The following CDH26 variants were observed in gnomAD, a reference collection of about 807,000 sequenced individuals.
The protein encoded by CDH26 is cadherin-like protein 26.
CDH26 carries 83 observed loss-of-function variants against 90.3 expected under a neutral mutation model. That is an observed-to-expected ratio of 0.92 (90% CI 0.77 to 1.10). CDH26 has a LOEUF of 1.10. CDH26 is among the 50% of genes least tolerant of loss of function. The probability of loss-of-function intolerance (pLI) is 0.00; values close to 1 mark genes in which losing one functional copy is unlikely to be tolerated. For missense variants in CDH26, 1,013 were observed against 1,037.6 expected (o/e 0.98, Z 0.33); for synonymous variants, 397 against 396.3 (o/e 1.00, Z -0.02).
At chr20:60,009,598 C>G (rs1024832034) in intron 17 of CDH26, among the ~76,000 whole-genome samples, 4 of 152,008 alleles carry the variant, frequency 2.6e-5, no homozygotes, top group African/African-American at 7.3e-5. Context: ...AATGGAAGCT[C>G]GAAGCTCTGC....
chr20:59,995,080 G>T (rs749305108), intron 11 of CDH26, among the ~76,000 whole-genome samples: 10 of 152,194 alleles, frequency 6.6e-5, no homozygotes, highest in Non-Finnish European at 4.4e-5. Flanking sequence ...CTGTGGCACG[G>T]TTTCAGCTGA....
At position 60,032,803 on chromosome 20, in the gene CDH26, A is replaced by T. The variant is rs7363700; in HGVS notation, c.1144-683A>T. Among the ~76,000 whole-genome samples, 1,324 of 139,474 alleles carry T rather than the reference A, an allele frequency of 9.5e-3. 19 individuals are homozygous for T. Among genetic ancestry groups the T allele is most frequent in the African/African-American group, 0.033 (1,253 of 37,562 alleles). 91.5% of individuals were successfully genotyped at this position (139,474 alleles called of 152,430 possible). A position where few individuals can be genotyped will look rare whatever the true frequency, so the allele number is the denominator to read the frequency against. The stretch of plus-strand genomic sequence containing the variant: ...CATAGGTGGGAATTGAACAATGAGA[A>T]CACATGGACACAGGAAGGGGAATAT... On this transcript the variant is annotated intron_variant, in intron 8 of 8. Transcript: ENST00000370991.
chr20:60,018,702 C>CTTTTGTTTTTTTTTTTTTTTT (rs2061926953), downstream of CDH26, among the ~76,000 whole-genome samples: 2 of 17,814 alleles, frequency 1.1e-4, no homozygotes, highest in African/African-American at 4.6e-4. Flanking sequence ...CTCTTACTGC[C>CTTTTGTTTTTTTTTTTTTTTT]TTTTTTTTTT....
chr20:60,019,548 C>G (rs1316547874), intron 7 of CDH26, among the ~76,000 whole-genome samples: 1 of 152,048 alleles, frequency 6.6e-6, no homozygotes, highest in Non-Finnish European at 1.5e-5. Context: ...CCACTTGATC[C>G]TTTTTAATTA....
intron 13 of CDH26, 72 bp downstream of exon 13, chr20:59,996,833 T>TC: frequency 3.8e-6 from 6 of 1,579,254 alleles, no homozygotes; most frequent in Non-Finnish European, 5.2e-6. Context: ...CATGTATTTT[T>TC]CCCCCCATTG....
rs201122218 is a variant in CDH26, at chr20:60,002,853, T to C, written c.2207T>C (p.Ile736Thr). The C allele has an allele frequency of 9.8e-5, 157 of 1,598,038 alleles. No homozygotes were observed. Among genetic ancestry groups the C allele is most frequent in the Middle Eastern group, 1.7e-4 (1 of 5,956 alleles). Residue 736 changes from isoleucine (I) to threonine (T), a missense_variant, in exon 16 of 18, where the codon ATA becomes ACA. Ile to Thr is a moderately conservative substitution (Grantham distance 89). Coordinates refer to ENST00000348616, the MANE Select transcript of CDH26 (RefSeq NM_177980.4). ...KPFEPRSVKN[I>T]HSTPAYPDAT... Reference sequence around the variant, plus strand: ...TTTGAGCCAAGAAGTGTGAAAAACATACACTCTACTCCTGTAAGTATAGAT... The same window carrying C: ...TTTGAGCCAAGAAGTGTGAAAAACACACACTCTACTCCTGTAAGTATAGAT...
intron 16 of CDH26, among the ~76,000 whole-genome samples, chr20:60,003,420 GTTAAC>G (rs1400475300): frequency 1.3e-4 from 20 of 152,308 alleles, no homozygotes; most frequent in African/African-American, 2.9e-4. Context: ...GCAAAATTAT[GTTAAC>G]TTAACACCTA....
At position 60,012,544 on chromosome 20, in the gene CDH26, T is replaced by A. The variant is rs151004757; in HGVS notation, c.2313T>A (p.Asn771Lys). The A allele has an allele frequency of 6.2e-7, 1 of 1,612,918 alleles. No individual in the cohort carries two copies. Among genetic ancestry groups the A allele is most frequent in the African/African-American group, 1.3e-5 (1 of 75,000 alleles). The change falls in exon 18 of 18, where the codon AAT becomes AAA. Residue 771 changes from asparagine to lysine, a missense_variant. Transcript: ENST00000348616. ...TTCCCCAGAAACTCCATGTTGCCAA[T>A]GTGCTGGAAGATGACCCCGGCTACC... Reference protein sequence around the residue: ...ETLNQKLHVANVLEDDPGYLP... With the variant: ...ETLNQKLHVAKVLEDDPGYLP...
intron 17 of CDH26, among the ~76,000 whole-genome samples, chr20:60,007,731 G>C (rs62205078): frequency 6.7e-6 from 1 of 149,806 alleles, no homozygotes; most frequent in Non-Finnish European, 1.5e-5. Context: ...GGTTTCTGCT[G>C]GTTTTTTTTT....
chr20:59,995,200 T>G (rs1472739246), intron 11 of CDH26, among the ~76,000 whole-genome samples: 1 of 152,158 alleles, frequency 6.6e-6, no homozygotes, highest in Non-Finnish European at 1.5e-5. Context: ...TGATCTCTAT[T>G]GGGGTATCAT....
At chr20:59,987,740 C>A in intron 8 of CDH26, 102 bp downstream of exon 8, 1 of 1,104,610 alleles carries the variant, frequency 9.1e-7, no homozygotes, top group Non-Finnish European at 1.3e-6. Flanking sequence ...TCCGTGGATG[C>A]TGGGTGCTGA....
intron 1 of CDH26, among the ~76,000 whole-genome samples, chr20:59,967,888 C>CTCTCTCTCT (rs1569024377): frequency 8.6e-6 from 1 of 116,144 alleles, no homozygotes; most frequent in African/African-American, 4.5e-5. Context: ...TTCCTTCCTT[C>CTCTCTCTCT]CTTCCTTCCT....
At chr20:59,970,520 G>T (rs2061245697) in intron 3 of CDH26, among the ~76,000 whole-genome samples, 1 of 151,482 alleles carries the variant, frequency 6.6e-6, no homozygotes, top group African/African-American at 2.4e-5. Flanking sequence ...TAAAAACAGG[G>T]AGATTGTCGG....
intron 14 of CDH26, among the ~76,000 whole-genome samples, chr20:60,000,249 A>T (rs1569052024): frequency 6.6e-6 from 1 of 152,226 alleles, no homozygotes; most frequent in African/African-American, 2.4e-5. Context: ...TGGAAACAGA[A>T]TTAGAAAGGG....
intron 5 of CDH26, among the ~76,000 whole-genome samples, chr20:59,984,104 G>A (rs1287998258): frequency 2.0e-5 from 3 of 152,194 alleles, no homozygotes; most frequent in Non-Finnish European, 4.4e-5. Flanking sequence ...CAATGTAGGG[G>A]TCCTCATTTG....
chr20:60,034,608 G>A (rs540360002), downstream of CDH26, among the ~76,000 whole-genome samples: 95 of 152,314 alleles, frequency 6.2e-4, no homozygotes, highest in South Asian at 2.1e-3. Context: ...CAGTGTGGGC[G>A]CCAGGGCCCC....
chr20:60,025,953 C>T (rs542576553), intron 7 of CDH26, among the ~76,000 whole-genome samples: 6 of 152,254 alleles, frequency 3.9e-5, no homozygotes, highest in East Asian at 3.9e-4. Flanking sequence ...TTCAATCTAC[C>T]GAAATGGACC....
intron 11 of CDH26, among the ~76,000 whole-genome samples, chr20:59,994,799 G>A (rs965472918): frequency 2.8e-4 from 43 of 152,164 alleles, no homozygotes; most frequent in African/African-American, 1.0e-3. Flanking sequence ...TGACGTCACT[G>A]TTTGGCCTGG....
At chr20:60,022,498 A>C (rs2061965761) in intron 7 of CDH26, among the ~76,000 whole-genome samples, 1 of 152,230 alleles carries the variant, frequency 6.6e-6, no homozygotes, top group Admixed American at 6.5e-5. Flanking sequence ...AACACAGCAG[A>C]TACCTCAGTT....
Sources: allele counts gnomAD v4.1 joint callset (sites outside exome capture counted in the v4.1 genomes callset), GRCh38; gene constraint gnomAD v4.1.1; transcripts MANE v1.5; gene names NCBI Gene and HGNC (gene_info 2026-07-23, HGNC 2026-07-21).